Variants in AGBL4 observed in about 807,000 individuals in gnomAD.
AGBL4 encodes cytosolic carboxypeptidase 6.
In AGBL4, 58 loss-of-function variants were observed where a neutral mutation model predicts 66.4. The ratio of observed to expected loss-of-function variants is 0.87; its 90% CI spans 0.71 to 1.09. The LOEUF (loss-of-function observed/expected upper bound fraction) is 1.09. AGBL4 is among the 50% of genes least tolerant of loss of function. The pLI is 0.00. For missense variants in AGBL4, 579 were observed against 631.0 expected (o/e 0.92, Z 0.88); for synonymous variants, 234 against 222.9 (o/e 1.05, Z -0.44).
At chr1:48,777,633 A>G (rs1354764263) in intron 6 of AGBL4, among the ~76,000 whole-genome samples, 1 of 152,062 alleles carries the variant, frequency 6.6e-6, no homozygotes, top group African/African-American at 2.4e-5. Context: ...TGAGATTTCC[A>G]GTTGTGCCAG....
intron 1 of AGBL4, among the ~76,000 whole-genome samples, chr1:49,898,452 A>C (rs1649435546): frequency 6.6e-6 from 1 of 152,162 alleles, no homozygotes; most frequent in African/African-American, 2.4e-5. Flanking sequence ...ATTTATCCAA[A>C]GGCAGGCAAT....
intron 1 of AGBL4, among the ~76,000 whole-genome samples, chr1:49,948,353 T>G (rs1476837299): frequency 1.8e-5 from 2 of 110,020 alleles, no homozygotes; most frequent in Non-Finnish European, 3.4e-5. Context: ...TAAATATATA[T>G]AAATATATAA....
chr1:49,485,510 T>C (rs1647047874), intron 3 of AGBL4, among the ~76,000 whole-genome samples: 1 of 150,182 alleles, frequency 6.7e-6, no homozygotes, highest in African/African-American at 2.4e-5. Context: ...TAATGTTAAA[T>C]GATGAGTTAA....
intron 4 of AGBL4, among the ~76,000 whole-genome samples, chr1:49,242,404 C>A (rs1034487171): frequency 2.6e-5 from 4 of 151,864 alleles, no homozygotes; most frequent in African/African-American, 9.7e-5. Flanking sequence ...TTCCAACATC[C>A]CCATGCATGG....
At chr1:48,759,334 T>C in intron 6 of AGBL4, 1 of 1,529,586 alleles carries the variant, frequency 6.5e-7, no homozygotes, top group Non-Finnish European at 8.8e-7. Context: ...TGGGATTTTC[T>C]TGGACTGCAG....
At chr1:49,675,960 T>C (rs191967464) in intron 3 of AGBL4, among the ~76,000 whole-genome samples, 118 of 152,076 alleles carry the variant, frequency 7.8e-4, no homozygotes, top group Middle Eastern at 3.4e-3. Flanking sequence ...TATGTGAGAG[T>C]AGTGCCGATA....
chr1:48,866,736 G>T (rs1468198879), intron 6 of AGBL4, among the ~76,000 whole-genome samples: 1 of 152,156 alleles, frequency 6.6e-6, no homozygotes, highest in Non-Finnish European at 1.5e-5. Flanking sequence ...AGAGACAAAA[G>T]TTATCTTGAC....
intron 3 of AGBL4, among the ~76,000 whole-genome samples, chr1:49,693,179 G>C (rs1646921730): frequency 6.6e-6 from 1 of 152,144 alleles, no homozygotes; most frequent in African/African-American, 2.4e-5. Flanking sequence ...TGATAGGACA[G>C]TAAAATAGTA....
chr1:49,424,267 A>C (rs1338022693), intron 3 of AGBL4, among the ~76,000 whole-genome samples: 2 of 152,312 alleles, frequency 1.3e-5, no homozygotes, highest in East Asian at 3.9e-4. Context: ...ACAAACAGTT[A>C]AATAGAGCCA....
intron 4 of AGBL4, among the ~76,000 whole-genome samples, chr1:49,135,994 T>C (rs773999765): frequency 3.3e-4 from 50 of 152,168 alleles, no homozygotes; most frequent in Non-Finnish European, 6.5e-4. Context: ...GGCTTTTCTA[T>C]ATTCTCTAAA....
At chr1:49,338,622 A>G (rs1044336849) in intron 3 of AGBL4, among the ~76,000 whole-genome samples, 7 of 152,178 alleles carry the variant, frequency 4.6e-5, no homozygotes, top group Non-Finnish European at 1.0e-4. Context: ...GCTGGTCCAT[A>G]TCTGTGAACT....
chr1:50,010,370 T>C (rs1196495077), intron 1 of AGBL4, among the ~76,000 whole-genome samples: 2 of 151,840 alleles, frequency 1.3e-5, no homozygotes, highest in African/African-American at 2.4e-5. Flanking sequence ...GTTCATACTA[T>C]CCAAAGCAAT....
chr1:49,121,198 G>GCTA (rs1645646451), intron 4 of AGBL4, among the ~76,000 whole-genome samples: 1 of 152,018 alleles, frequency 6.6e-6, no homozygotes, highest in African/African-American at 2.4e-5. Flanking sequence ...CCTTCTGAAG[G>GCTA]CTACTTCTGT....
chr1:48,592,898 A>G (rs1644939901), intron 9 of AGBL4, among the ~76,000 whole-genome samples: 1 of 152,176 alleles, frequency 6.6e-6, no homozygotes, highest in Non-Finnish European at 1.5e-5. Flanking sequence ...ATTCATATAA[A>G]TTTATGGGCG....
intron 6 of AGBL4, among the ~76,000 whole-genome samples, chr1:48,762,924 C>T (rs891794389): frequency 6.6e-6 from 1 of 152,030 alleles, no homozygotes; most frequent in Non-Finnish European, 1.5e-5. Flanking sequence ...TCTCTCTGAA[C>T]TCAAGTCTCT....
intron 5 of AGBL4, among the ~76,000 whole-genome samples, chr1:48,957,442 T>G (rs913476021): frequency 1.3e-5 from 2 of 152,222 alleles, no homozygotes; most frequent in Non-Finnish European, 1.5e-5. Flanking sequence ...CTGACTACTG[T>G]ACATGTGTGA....
intron 6 of AGBL4, among the ~76,000 whole-genome samples, chr1:48,768,548 T>G (rs1355946685): frequency 6.6e-6 from 1 of 152,124 alleles, no homozygotes; most frequent in Non-Finnish European, 1.5e-5. Flanking sequence ...AACAAGCAGG[T>G]GACAGGAAAC....
At chr1:48,671,796 C>A (rs1430893256) in intron 6 of AGBL4, among the ~76,000 whole-genome samples, 5 of 152,206 alleles carry the variant, frequency 3.3e-5, no homozygotes, top group African/African-American at 1.2e-4. Context: ...CAGTGCCTGG[C>A]ACACATGATG....
intron 11 of AGBL4, among the ~76,000 whole-genome samples, chr1:48,540,156 A>T (rs1239397231): frequency 3.9e-5 from 6 of 152,156 alleles, no homozygotes; most frequent in African/African-American, 1.4e-4. Flanking sequence ...CATTTGTTGC[A>T]TATAGACAAG....
Sources: gnomAD v4.1 joint callset for allele counts (sites outside exome capture counted in the v4.1 genomes callset) on GRCh38, gnomAD v4.1.1 for gene constraint, MANE v1.5 for transcripts, NCBI Gene and HGNC (gene_info 2026-07-23, HGNC 2026-07-21) for gene names.